Variants in KLHL20 observed in about 807,000 individuals in gnomAD.
KLHL20 encodes the protein kelch-like protein 20.
KLHL20 carries 29 observed loss-of-function variants against 69.5 expected under a neutral mutation model. That is an observed-to-expected ratio of 0.42 (90% confidence interval 0.31 to 0.57). The LOEUF is 0.57. Among genes scored for constraint, KLHL20 ranks in the 20% least tolerant of loss-of-function variants. The pLI is 0.18. For synonymous variants in KLHL20, 253 were observed against 265.2 expected, an observed-to-expected ratio of 0.95 and a Z score of 0.45; for missense variants, 419 against 776.0, an observed-to-expected ratio of 0.54 and a Z score of 5.47.
In KLHL20 at chr1:173,733,823, A is replaced by T; in HGVS notation, c.134A>T (p.Tyr45Phe). ...EGVPQPARMP[Y>F]ISDKHPRQTL... ...GTTCCCCAACCTGCCCGCATGCCCT[A>T]TATCTCAGACAAGCACCCTCGACAA... The change falls in exon 3 of 12, where the codon TAT (tyrosine) becomes TTT (phenylalanine). Residue 45 changes from tyrosine to phenylalanine, a missense_variant. By Grantham distance (22) the Tyr-to-Phe change is conservative (BLOSUM62 3). Around this residue, in one of 6 missense-constraint regions of KLHL20, gnomAD observed 129 missense variants for 183.6 expected, o/e 0.70. Coordinates refer to ENST00000209884, the MANE Select transcript of KLHL20 (RefSeq NM_014458.4). 3 of 1,614,110 alleles carry T rather than the reference A, an allele frequency of 1.9e-6. No homozygotes were observed. Among genetic ancestry groups the T allele is most frequent in the Non-Finnish European group, 2.5e-6 (3 of 1,180,018 alleles).
chr1:173,735,996 G>A (rs1372335096), intron 3 of KLHL20, among the ~76,000 whole-genome samples: 1 of 144,674 alleles, frequency 6.9e-6, no homozygotes, highest in Non-Finnish European at 1.5e-5. Context: ...CCACGCTGGA[G>A]TGCAACGGGG....
chr1:173,753,087 C>G (rs1166319363), intron 4 of KLHL20, 126 bp from the exon 5 acceptor site: 7 of 690,662 alleles, frequency 1.0e-5, no homozygotes, highest in Non-Finnish European at 1.7e-5. Flanking sequence ...GTAGGCACAT[C>G]ACTTGAGCCC....
intron 3 of KLHL20, among the ~76,000 whole-genome samples, chr1:173,746,816 C>T (rs1479996675): frequency 6.6e-6 from 1 of 151,692 alleles, no homozygotes; most frequent in Admixed American, 6.6e-5. Context: ...TGAGTTGAGA[C>T]TTAATTTATT....
chr1:173,758,180 A>C (rs1047446891), intron 7 of KLHL20, among the ~76,000 whole-genome samples: 1 of 152,094 alleles, frequency 6.6e-6, no homozygotes, highest in Non-Finnish European at 1.5e-5. Context: ...CTGAGGCAGG[A>C]GGCCCGCTTG....
intron 4 of KLHL20, among the ~76,000 whole-genome samples, chr1:173,752,893 G>A (rs1043672553): frequency 1.3e-5 from 2 of 152,068 alleles, no homozygotes; most frequent in South Asian, 2.1e-4. Context: ...TATTGGCTGG[G>A]TGCAGTGGTA....
rs1649214332 is a variant in KLHL20 at position 173,786,612 on chromosome 1, A to G, written c.*1365A>G. 6.6e-6 allele frequency: 1 copy of G among 152,618 alleles called. No homozygotes were observed. Among genetic ancestry groups the G allele is most frequent in the Non-Finnish European group, 1.5e-5 (1 of 68,002 alleles). 9.5% of individuals were successfully genotyped at this position (152,618 alleles called of 1,614,324 possible). A position where few individuals can be genotyped will look rare whatever the true frequency, so the allele number is the denominator to read the frequency against. On this transcript the variant is annotated 3_prime_UTR_variant, in exon 12 of 12. Coordinates refer to ENST00000209884, the MANE Select transcript of KLHL20 (RefSeq NM_014458.4). ...CAAGGAAAAAAAGTATTGAGTAAACAATTGTTTACATATATCATTTATGCT... is the reference window on the plus strand; with the variant it reads ...CAAGGAAAAAAAGTATTGAGTAAACGATTGTTTACATATATCATTTATGCT...
chr1:173,773,271 C>G (rs912435528), intron 8 of KLHL20, among the ~76,000 whole-genome samples: 3 of 142,728 alleles, frequency 2.1e-5, no homozygotes, highest in African/African-American at 7.6e-5. Flanking sequence ...CACACACAGC[C>G]TTTTTTTTTT....
chr1:173,728,178 A>C (rs1443567760), intron 2 of KLHL20, among the ~76,000 whole-genome samples: 1 of 152,244 alleles, frequency 6.6e-6, no homozygotes, highest in Non-Finnish European at 1.5e-5. Flanking sequence ...GGATCAATTC[A>C]ACAAGAAGAG....
At chr1:173,779,191 ATT>A (rs1648685648) in intron 10 of KLHL20, among the ~76,000 whole-genome samples, 1 of 152,054 alleles carries the variant, frequency 6.6e-6, no homozygotes, top group Admixed American at 6.5e-5. Context: ...TCATTTCTTC[ATT>A]GACCCACTGG....
At chr1:173,739,847 G>A (rs1228019574) in intron 3 of KLHL20, among the ~76,000 whole-genome samples, 2 of 150,814 alleles carry the variant, frequency 1.3e-5, no homozygotes, top group Non-Finnish European at 3.0e-5. Flanking sequence ...CACCATGTTG[G>A]GCAGGCTAGT....
intron 4 of KLHL20, among the ~76,000 whole-genome samples, chr1:173,752,898 G>C (rs1477738506): frequency 6.6e-6 from 1 of 152,140 alleles, no homozygotes; most frequent in Non-Finnish European, 1.5e-5. Flanking sequence ...GCTGGGTGCA[G>C]TGGTACAAGC....
chr1:173,767,287 C>G (rs1015874355), intron 8 of KLHL20, among the ~76,000 whole-genome samples: 1 of 152,120 alleles, frequency 6.6e-6, no homozygotes. Context: ...TGTATCCATT[C>G]ATCTGTTGAG....
chr1:173,723,129 T>C (rs1459735867), intron 2 of KLHL20, among the ~76,000 whole-genome samples: 1 of 152,254 alleles, frequency 6.6e-6, no homozygotes, highest in Non-Finnish European at 1.5e-5. Context: ...AATAACACTT[T>C]ACTTTCAGCA....
In KLHL20 at chr1:173,774,417, G is replaced by A. The variant is rs1648315994; in HGVS notation, c.1408G>A (p.Gly470Arg). The A allele has an allele frequency of 3.1e-6, 5 of 1,613,912 alleles. No individual in the cohort carries two copies. Among genetic ancestry groups the A allele is most frequent in the African/African-American group, 1.3e-5 (1 of 74,880 alleles). Residue 470 changes from glycine (G) to arginine (R), a missense_variant, in exon 9 of 12, where the codon GGG (glycine) becomes AGG (arginine). Physicochemically the swap from Gly to Arg is moderately radical, Grantham distance 125. Coordinates refer to ENST00000209884, the MANE Select transcript of KLHL20 (RefSeq NM_014458.4). ...CTTATATGCTGTAGGTGGCTCTGAC[G>A]GGACATCTCCTCTCAACACAGGTTA... ...GFLYAVGGSD[G>R]TSPLNTVERY...
chr1:173,727,393 C>T (rs1252205032), intron 2 of KLHL20, among the ~76,000 whole-genome samples: 1 of 152,122 alleles, frequency 6.6e-6, no homozygotes, highest in Non-Finnish European at 1.5e-5. Flanking sequence ...TCAGGAAATA[C>T]AGAGAACGCC....
chr1:173,751,029 T>G (rs918936635), intron 3 of KLHL20, among the ~76,000 whole-genome samples: 4 of 152,218 alleles, frequency 2.6e-5, no homozygotes, highest in African/African-American at 9.6e-5. Context: ...TAGTACAGTC[T>G]CGTGAGTAAT....
At chr1:173,749,324 C>T (rs1466191503) in intron 3 of KLHL20, among the ~76,000 whole-genome samples, 3 of 152,154 alleles carry the variant, frequency 2.0e-5, no homozygotes, top group African/African-American at 7.2e-5. Flanking sequence ...TGTTTGTTTT[C>T]AGCTTTATTC....
chr1:173,763,869 A>T (rs909415554), intron 7 of KLHL20, among the ~76,000 whole-genome samples: 10 of 151,472 alleles, frequency 6.6e-5, no homozygotes, highest in East Asian at 5.8e-4. Context: ...AATGCAATAA[A>T]AAAAAAAAAA....
intron 2 of KLHL20, among the ~76,000 whole-genome samples, chr1:173,716,654 T>C (rs1029662947): frequency 2.0e-5 from 3 of 152,198 alleles, no homozygotes; most frequent in Admixed American, 6.5e-5. Context: ...ATGTTTTTTC[T>C]CATTTTGTTC....
Sources: allele counts gnomAD v4.1 joint callset (sites outside exome capture counted in the v4.1 genomes callset), GRCh38; gene constraint gnomAD v4.1.1; regional missense constraint gnomAD v4.1.1; transcripts MANE v1.5; gene names NCBI Gene and HGNC (gene_info 2026-07-23, HGNC 2026-07-21).